FLNB: variants seen among roughly 807,000 people sequenced by gnomAD.
FLNB encodes the protein filamin-B.
A neutral mutation model predicts 250.6 loss-of-function variants in FLNB; 111 were observed. The ratio of observed to expected loss-of-function variants is 0.44; its 90% CI spans 0.38 to 0.52. FLNB has a LOEUF of 0.52. Among genes scored for constraint, FLNB ranks in the 20% least tolerant of loss-of-function variants. FLNB has a pLI of 0.00. For missense variants in FLNB, 2,869 were observed against 3,447.8 expected, an observed-to-expected ratio of 0.83 and a Z score of 4.20; for synonymous variants, 1,302 against 1,372.1, an observed-to-expected ratio of 0.95 and a Z score of 1.13.
chr3:58,163,064 A>G (rs2097364297), intron 42 of FLNB, 90 bp from the exon 43 acceptor site: 4 of 1,314,032 alleles, frequency 3.0e-6, no homozygotes, highest in Non-Finnish European at 4.4e-6. Flanking sequence ...TAAATGGGCC[A>G]TCTCAGCTTG....
intron 1 of FLNB, among the ~76,000 whole-genome samples, chr3:58,057,333 G>A (rs1456949771): frequency 1.3e-5 from 2 of 152,216 alleles, no homozygotes; most frequent in African/African-American, 4.8e-5. Context: ...TGGTTTGCAA[G>A]CACTGAATTA....
intron 4 of FLNB, among the ~76,000 whole-genome samples, chr3:58,088,933 A>G (rs573561268): frequency 1.3e-5 from 2 of 152,180 alleles, no homozygotes; most frequent in East Asian, 1.9e-4. Context: ...GAGCCCCCCA[A>G]TCTTGAGCAT....
In FLNB at chr3:58,143,529, G is replaced by A. The variant is rs1366612114; in HGVS notation, c.5341G>A (p.Asp1781Asn). The change falls in exon 32 of 46, where the codon GAC becomes AAC. Residue 1781 changes from aspartate (D) to asparagine (N), a missense_variant. Physicochemically the swap from Asp to Asn is conservative, Grantham distance 23. Coordinates refer to ENST00000295956, the MANE Select transcript of FLNB (RefSeq NM_001457.4). ...CACACCTGAGATTGTGGACAACAAGGACGGCACGGTCACTGTTAGATATGC... is the reference window on the plus strand; with the variant it reads ...CACACCTGAGATTGTGGACAACAAGAACGGCACGGTCACTGTTAGATATGC... ...TATPEIVDNK[D>N]GTVTVRYAPT... 2 of 1,614,186 alleles carry A rather than the reference G, an allele frequency of 1.2e-6. No individual in the cohort carries two copies. Among genetic ancestry groups the A allele is most frequent in the Non-Finnish European group, 8.5e-7 (1 of 1,180,042 alleles).
chr3:58,134,997 TA>T (rs1359231271), intron 27 of FLNB, among the ~76,000 whole-genome samples: 6 of 152,180 alleles, frequency 3.9e-5, no homozygotes, highest in African/African-American at 1.4e-4. Flanking sequence ...CATGTTTTTT[TA>T]CTACATCTAT....
In FLNB at chr3:58,109,296, G is replaced by A. The variant is rs201814013; in HGVS notation, c.2173G>A (p.Val725Met). The A allele has an allele frequency of 2.4e-5, 38 of 1,614,088 alleles. No individual in the cohort carries two copies. Among genetic ancestry groups the A allele is most frequent in the South Asian group, 1.1e-4 (10 of 91,036 alleles). ...CACCATTGCTGTGGTCTGGGGAGGC[G>A]TGAACATCCCGCACAGCCCCTACAG... is the stretch of plus-strand genomic sequence containing the variant. ...KHTIAVVWGG[V>M]NIPHSPYRVN... is the part of the protein sequence containing the mutation. Residue 725 changes from valine (V) to methionine (M), a missense_variant, in exon 14 of 46, where the codon GTG becomes ATG. Physicochemically the swap from Val to Met is conservative, Grantham distance 21. This residue lies in a region of FLNB where 1,348 missense variants were observed against 1,466.7 expected (regional missense o/e 0.92). Transcript: ENST00000295956.
chr3:58,086,025 ACT>A (rs144323352), intron 4 of FLNB, among the ~76,000 whole-genome samples: 5 of 149,990 alleles, frequency 3.3e-5, no homozygotes, highest in African/African-American at 1.2e-4. Flanking sequence ...ATAGAGTCTC[ACT>A]CTCTCTCTCT....
chr3:58,138,834 T>C, intron 29 of FLNB, among the ~76,000 whole-genome samples: 1 of 152,292 alleles, frequency 6.6e-6, no homozygotes, highest in East Asian at 1.9e-4. Flanking sequence ...CACACCTTTA[T>C]GAAAATGTTT....
intron 26 of FLNB, 142 bp from the exon 27 acceptor site, chr3:58,134,473 CT>C: frequency 1.0e-6 from 1 of 957,160 alleles, no homozygotes; most frequent in Non-Finnish European, 1.7e-6. Flanking sequence ...TTCTGCTAGA[CT>C]TAGGCACCTT....
At position 58,150,030 on chromosome 3, in the gene FLNB, G is replaced by A. The variant is rs747228299; in HGVS notation, c.6244+28G>A. ...ATGTGCATTCCATTCCCCTCCAGGT[G>A]GGATGCTTGGGTTTTCTGTAAATGC... On this transcript the variant is annotated intron_variant, in intron 37 of 45. Coordinates refer to ENST00000295956, the MANE Select transcript of FLNB (RefSeq NM_001457.4). 3.1e-6 allele frequency: 5 copies of A among 1,614,296 alleles called. No homozygotes were observed. In the East Asian group the frequency reaches 1.1e-4, roughly 36 times the overall value.
rs564724350 is a variant in FLNB at position 58,141,633 on chromosome 3, C to A, written c.5110-225C>A. Reference sequence around the variant, plus strand: ...GGAGTCTCCCGCCAGCTTAGGTCTGCGTGCTACAAGTGGGGTTGTGGGCTC... The same window carrying A: ...GGAGTCTCCCGCCAGCTTAGGTCTGAGTGCTACAAGTGGGGTTGTGGGCTC... On this transcript the variant is annotated intron_variant, in intron 29 of 45. Coordinates refer to ENST00000295956, the MANE Select transcript of FLNB (RefSeq NM_001457.4). Among the ~76,000 whole-genome samples the A allele has an allele frequency of 2.0e-5, 3 of 152,348 alleles. No individual in the cohort carries two copies. The South Asian group carries it at 6.2e-4, about 32-fold the overall frequency.
chr3:58,052,623 T>C (rs2097164199), intron 1 of FLNB, among the ~76,000 whole-genome samples: 1 of 152,170 alleles, frequency 6.6e-6, no homozygotes, highest in Non-Finnish European at 1.5e-5. Flanking sequence ...GCCGTGGTCA[T>C]GACATCGGTG....
rs1273155996 is a variant in FLNB, at chr3:58,034,620, A to G, written c.292+25764A>G. On this transcript the variant is annotated intron_variant, in intron 1 of 45. Transcript: ENST00000295956. ...GAAGCAGTAGAGAAAGACTTTGAAT[A>G]TAAATGTATCCATTAGGATGTATAT... Among the ~76,000 whole-genome samples the G allele has an allele frequency of 2.6e-5, 4 of 152,234 alleles. No individual in the cohort carries two copies. The East Asian group carries it at 7.7e-4, about 29-fold the overall frequency.
In FLNB at chr3:58,098,892, T is replaced by C. The variant is rs1377207023; in HGVS notation, c.1329T>C (p.Val443=). 1.2e-5 allele frequency: 19 copies of C among 1,613,886 alleles called. No individual in the cohort carries two copies. Among genetic ancestry groups the C allele is most frequent in the Non-Finnish European group, 1.6e-5 (19 of 1,179,982 alleles). Residue 443 remains valine, a synonymous_variant, in exon 8 of 46, where the codon GTT becomes GTC. Transcript: ENST00000295956. ...AGDTIPKSPF[V]VQVGEACNPN... is the part of the protein sequence containing the mutation. ...ACACTATTCCTAAGAGTCCCTTCGT[T>C]GTGCAGGTTGGGGAAGGTGAGTGCT...
chr3:58,137,012 G>A lies in FLNB; in HGVS notation c.4861+844G>A, dbSNP rs370363724. Among the ~76,000 whole-genome samples the A allele has an allele frequency of 3.2e-4, 48 of 152,094 alleles. No homozygotes were observed. In the South Asian group the frequency reaches 4.4e-3, roughly 14 times the overall value. On this transcript the variant is annotated intron_variant, in intron 28 of 45. Coordinates refer to ENST00000295956, the MANE Select transcript of FLNB (RefSeq NM_001457.4). ...CTGGGATTACAGGTGTGAGCACCAC[G>A]CCTGGCCGGCCTTTCAGTTTTTAAG...
At chr3:58,024,181 A>G (rs947223514) in intron 1 of FLNB, among the ~76,000 whole-genome samples, 4 of 152,160 alleles carry the variant, frequency 2.6e-5, no homozygotes, top group Admixed American at 6.6e-5. Flanking sequence ...CCACTTCTGG[A>G]TACAGATCCA....
chr3:58,044,511 G>T (rs1438795174), intron 1 of FLNB, among the ~76,000 whole-genome samples: 1 of 152,164 alleles, frequency 6.6e-6, no homozygotes, highest in Non-Finnish European at 1.5e-5. Context: ...AGTAGTCCCA[G>T]CTACTCAGGA....
chr3:58,128,153 G>C (rs1339652426), intron 24 of FLNB, among the ~76,000 whole-genome samples: 1 of 152,192 alleles, frequency 6.6e-6, no homozygotes, highest in East Asian at 1.9e-4. Flanking sequence ...GGGGCCCACT[G>C]CTGGGTTCTG....
At chr3:58,085,287 A>G (rs2097215740) in intron 4 of FLNB, among the ~76,000 whole-genome samples, 1 of 152,192 alleles carries the variant, frequency 6.6e-6, no homozygotes, top group Non-Finnish European at 1.5e-5. Flanking sequence ...GTAGGAGACA[A>G]AATGGTCATA....
Position 58,125,598 on chromosome 3 carries a change from G to A in FLNB, c.3916G>A (p.Val1306Met). ...PFEKGLHVVE[V>M]TYDDVPIPNS... ...TTGAGCAGGTCTCCATGTAGTGGAG[G>A]TGACATATGATGACGTGCCTATCCC... Residue 1306 changes from valine to methionine, a missense_variant, in exon 23 of 46, where the codon GTG becomes ATG. Physicochemically the swap from Val to Met is conservative, Grantham distance 21. Transcript: ENST00000295956. 1.2e-6 allele frequency: 2 copies of A among 1,614,202 alleles called. No individual in the cohort carries two copies. The highest frequency in any genetic ancestry group is 1.7e-6 in the Non-Finnish European group (2 of 1,180,038).
Sources: allele counts gnomAD v4.1 joint callset (sites outside exome capture counted in the v4.1 genomes callset), GRCh38; gene constraint gnomAD v4.1.1; regional missense constraint gnomAD v4.1.1; transcripts MANE v1.5; gene names NCBI Gene and HGNC (gene_info 2026-07-23, HGNC 2026-07-21).